Variants in EEA1 observed in about 807,000 individuals in gnomAD.
EEA1 encodes the protein early endosome antigen 1, 162kD.
In EEA1, 111 loss-of-function variants were observed where a neutral mutation model predicts 209.2. The observed-to-expected ratio is 0.53, with a 90% CI of 0.45 to 0.62. EEA1 has a LOEUF of 0.62. Ranked by LOEUF, EEA1 falls within the 20% of genes least tolerant of loss-of-function variation. The probability of loss-of-function intolerance (pLI) is 0.00; values close to 1 mark genes in which losing one functional copy is unlikely to be tolerated. For synonymous variants in EEA1, 536 were observed against 540.6 expected (o/e 0.99, Z 0.12); for missense variants, 1,343 against 1,530.8 (o/e 0.88, Z 2.05).
chr12:92,901,455 G>A (rs1224905888), intron 1 of EEA1, among the ~76,000 whole-genome samples: 18 of 152,064 alleles, frequency 1.2e-4, no homozygotes, highest in Admixed American at 1.1e-3. Flanking sequence ...AAGCCCAAGA[G>A]GCATGGGGAG....
intron 1 of EEA1, among the ~76,000 whole-genome samples, chr12:92,922,827 G>A (rs183595609): frequency 1.6e-3 from 249 of 151,908 alleles, no homozygotes; most frequent in African/African-American, 5.1e-3. Flanking sequence ...GAGTGGTGGC[G>A]GGCACCTGTA....
intron 22 of EEA1, among the ~76,000 whole-genome samples, chr12:92,786,943 A>T (rs1874161483): frequency 6.6e-6 from 1 of 152,170 alleles, no homozygotes; most frequent in Non-Finnish European, 1.5e-5. Context: ...TGCTTGCTTT[A>T]TTCATTCTCA....
chr12:92,866,983 T>C (rs1878428241), intron 2 of EEA1, among the ~76,000 whole-genome samples: 1 of 152,196 alleles, frequency 6.6e-6, no homozygotes, highest in Non-Finnish European at 1.5e-5. Context: ...GTATCTCTTG[T>C]CCACACTCTG....
intron 1 of EEA1, 40 bp from the exon 2 acceptor site, chr12:92,891,761 G>T (rs1198296159): frequency 2.1e-6 from 3 of 1,405,606 alleles, no homozygotes; most frequent in Non-Finnish European, 3.0e-6. Context: ...AAACAAAGCA[G>T]ACATTAACAA....
intron 25 of EEA1, among the ~76,000 whole-genome samples, chr12:92,778,667 G>T (rs1873766088): frequency 6.6e-6 from 1 of 152,016 alleles, no homozygotes; most frequent in Non-Finnish European, 1.5e-5. Flanking sequence ...TAATTCAACA[G>T]AGGAAAGCCA....
At chr12:92,844,922 T>C (rs1319495711) in intron 9 of EEA1, among the ~76,000 whole-genome samples, 1 of 152,078 alleles carries the variant, frequency 6.6e-6, no homozygotes, top group Non-Finnish European at 1.5e-5. Context: ...ATCTTGCTGA[T>C]AAATTCCAAC....
chr12:92,789,688 C>T (rs1206628034), intron 21 of EEA1, among the ~76,000 whole-genome samples: 3 of 152,210 alleles, frequency 2.0e-5, no homozygotes, highest in Non-Finnish European at 4.4e-5. Flanking sequence ...CCTCTGGGGG[C>T]AGGGCATAGC....
chr12:92,854,725 C>G (rs924707835), intron 5 of EEA1, among the ~76,000 whole-genome samples: 4 of 152,304 alleles, frequency 2.6e-5, no homozygotes, highest in Non-Finnish European at 5.9e-5. Flanking sequence ...CCTCTAGCAG[C>G]AGGAGATCCC....
intron 21 of EEA1, among the ~76,000 whole-genome samples, chr12:92,790,418 A>G (rs1874348287): frequency 6.6e-6 from 1 of 152,144 alleles, no homozygotes; most frequent in Non-Finnish European, 1.5e-5. Context: ...TGAATGATGA[A>G]TGGCTAACTA....
At chr12:92,870,560 A>C (rs2136730080) in intron 2 of EEA1, among the ~76,000 whole-genome samples, 1 of 152,274 alleles carries the variant, frequency 6.6e-6, no homozygotes, top group African/African-American at 2.4e-5. Context: ...CCTCAAGTCT[A>C]GGGGTGTTAA....
chr12:92,929,139 C>T lies in EEA1; in HGVS notation c.-73G>A. ...GCGGGGCCACTCACTACTCGGGGTGCGCGGGCGGGAGGGACTGGGCCGGGA... is the reference window on the plus strand; with the variant it reads ...GCGGGGCCACTCACTACTCGGGGTGTGCGGGCGGGAGGGACTGGGCCGGGA... On this transcript the variant is annotated 5_prime_UTR_variant, in exon 1 of 29. Coordinates refer to ENST00000322349, the MANE Select transcript of EEA1 (RefSeq NM_003566.4). 1 of 1,414,818 alleles carries T rather than the reference C, an allele frequency of 7.1e-7. No individual in the cohort carries two copies. The allele number at this position is 1,414,818 out of a possible 1,614,324, so 87.6% of individuals were successfully genotyped here.
intron 1 of EEA1, among the ~76,000 whole-genome samples, chr12:92,897,030 A>T (rs1162893622): frequency 6.6e-6 from 1 of 152,136 alleles, no homozygotes; most frequent in African/African-American, 2.4e-5. Context: ...TACAAAAATC[A>T]GCAAGGCGTG....
chr12:92,783,550 CCTCTT>C (rs1259401505), intron 22 of EEA1, among the ~76,000 whole-genome samples: 1 of 152,198 alleles, frequency 6.6e-6, no homozygotes, highest in Non-Finnish European at 1.5e-5. Context: ...AGCACACTGT[CCTCTT>C]CTCATCTATA....
At position 92,829,793 on chromosome 12, in the gene EEA1, A is replaced by C. The variant is rs1282806160; in HGVS notation, c.1255-1732T>G. On this transcript the variant is annotated intron_variant, in intron 11 of 28. Transcript: ENST00000322349. ...AACTCTGTCTTAAAAAAAAAAAAAA[A>C]AAACAAAAAACAAGCCAAATGCCAG... Among the ~76,000 whole-genome samples, 7 of 141,816 alleles carry C rather than the reference A, an allele frequency of 4.9e-5. No homozygotes were observed. In the South Asian group the frequency reaches 7.1e-4, roughly 14 times the overall value. The allele number at this position is 141,816 out of a possible 152,430, so 93.0% of individuals were successfully genotyped here. A position where few individuals can be genotyped will look rare whatever the true frequency, so the allele number is the denominator to read the frequency against.
intron 1 of EEA1, among the ~76,000 whole-genome samples, chr12:92,901,237 A>G (rs1407123841): frequency 6.6e-6 from 1 of 152,070 alleles, no homozygotes; most frequent in Non-Finnish European, 1.5e-5. Flanking sequence ...ATTTTTGTAA[A>G]GATGAGGTCT....
intron 11 of EEA1, among the ~76,000 whole-genome samples, chr12:92,828,750 G>A (rs1425769272): frequency 6.6e-6 from 1 of 151,902 alleles, no homozygotes; most frequent in Non-Finnish European, 1.5e-5. Flanking sequence ...GCAAATCAGT[G>A]TTCCTTCCTA....
intron 10 of EEA1, among the ~76,000 whole-genome samples, chr12:92,840,165 TGTTAA>T (rs1326696411): frequency 6.6e-6 from 1 of 152,154 alleles, no homozygotes; most frequent in Non-Finnish European, 1.5e-5. Context: ...TTCACGAAAA[TGTTAA>T]GTTATTACAA....
chr12:92,777,797 G>A (rs1873723155), intron 26 of EEA1, 134 bp from the exon 27 acceptor site: 2 of 1,258,484 alleles, frequency 1.6e-6, no homozygotes, highest in Admixed American at 5.5e-5. Flanking sequence ...TTGTTTTACA[G>A]GTTAATTTTT....
intron 14 of EEA1, 58 bp downstream of exon 14, chr12:92,819,248 TAG>T: frequency 7.4e-7 from 1 of 1,344,120 alleles, no homozygotes; most frequent in Non-Finnish European, 1.0e-6. Context: ...ATAAAGCACT[TAG>T]TAAGACTTAG....
Sources: allele counts gnomAD v4.1 joint callset (sites outside exome capture counted in the v4.1 genomes callset), GRCh38; gene constraint gnomAD v4.1.1; transcripts MANE v1.5; gene names NCBI Gene and HGNC (gene_info 2026-07-23, HGNC 2026-07-21).